The following UVRAG variants were observed in gnomAD, a reference collection of about 807,000 sequenced individuals.
The protein encoded by UVRAG is UV radiation resistance associated.
A neutral mutation model predicts 78.0 loss-of-function variants in UVRAG; 19 were observed. The ratio of observed to expected loss-of-function variants is 0.24; its 90% CI spans 0.17 to 0.36. The LOEUF (loss-of-function observed/expected upper bound fraction) is 0.36. Ranked by LOEUF, UVRAG falls within the 10% of genes least tolerant of loss-of-function variation. The pLI is 1.00. For missense variants in UVRAG, 740 were observed against 853.8 expected (o/e 0.87, Z 1.66); for synonymous variants, 323 against 324.6 (o/e 1.00, Z 0.05).
intron 8 of UVRAG, among the ~76,000 whole-genome samples, chr11:76,001,074 T>C (rs1262953895): frequency 2.0e-5 from 3 of 152,264 alleles, no homozygotes; most frequent in Middle Eastern, 6.8e-3. Flanking sequence ...CATGGAACAT[T>C]CAGTTAGACC....
intron 2 of UVRAG, among the ~76,000 whole-genome samples, chr11:75,859,793 T>C (rs927947972): frequency 2.0e-5 from 3 of 152,218 alleles, no homozygotes; most frequent in Admixed American, 1.3e-4. Context: ...TTCATGTTTG[T>C]CATATTAGAA....
At chr11:75,990,296 A>C (rs1006403576) in intron 8 of UVRAG, among the ~76,000 whole-genome samples, 2 of 152,194 alleles carry the variant, frequency 1.3e-5, no homozygotes, top group Non-Finnish European at 1.5e-5. Flanking sequence ...ACTTAGTGTT[A>C]TCTCTACAAT....
chr11:76,053,147 AAT>A (rs1458938268), intron 12 of UVRAG, among the ~76,000 whole-genome samples: 1 of 151,780 alleles, frequency 6.6e-6, no homozygotes, highest in Non-Finnish European at 1.5e-5. Context: ...CTCTACTAAA[AAT>A]ACAAAAATTA....
chr11:75,822,457 T>C (rs1182609260), intron 1 of UVRAG, among the ~76,000 whole-genome samples: 3 of 152,106 alleles, frequency 2.0e-5, no homozygotes, highest in African/African-American at 7.2e-5. Context: ...TGCCACAATC[T>C]CCTTAGAGTT....
chr11:76,106,993 A>G (rs1951983847), intron 13 of UVRAG, among the ~76,000 whole-genome samples: 1 of 152,186 alleles, frequency 6.6e-6, no homozygotes, highest in Non-Finnish European at 1.5e-5. Flanking sequence ...GCTTTTGACA[A>G]ATTTGCAGTT....
intron 8 of UVRAG, among the ~76,000 whole-genome samples, chr11:75,996,154 G>C (rs775603561): frequency 6.6e-6 from 1 of 151,862 alleles, no homozygotes; most frequent in Non-Finnish European, 1.5e-5. Flanking sequence ...AGGTATAGAT[G>C]TGTAGAAATA....
At chr11:75,917,817 A>G (rs1947890900) in intron 6 of UVRAG, among the ~76,000 whole-genome samples, 1 of 152,136 alleles carries the variant, frequency 6.6e-6, no homozygotes, top group African/African-American at 2.4e-5. Context: ...TTGATGATAA[A>G]CCATATTGAT....
At chr11:75,996,255 A>AAT (rs1231515515) in intron 8 of UVRAG, among the ~76,000 whole-genome samples, 1 of 152,168 alleles carries the variant, frequency 6.6e-6, no homozygotes, top group East Asian at 1.9e-4. Flanking sequence ...CAAAAAAAAA[A>AAT]AATACATTTA....
chr11:75,973,002 T>A (rs1949155045), intron 7 of UVRAG, among the ~76,000 whole-genome samples: 1 of 152,112 alleles, frequency 6.6e-6, no homozygotes, highest in African/African-American at 2.4e-5. Flanking sequence ...GTTTTATTTC[T>A]TCTTTCCCAA....
intron 12 of UVRAG, among the ~76,000 whole-genome samples, chr11:76,059,315 T>C (rs574084875): frequency 6.6e-6 from 1 of 152,318 alleles, no homozygotes; most frequent in Admixed American, 6.5e-5. Context: ...GAGCTGAGAC[T>C]AGAAAAACTA....
chr11:76,100,745 C>T (rs529052354), intron 13 of UVRAG, among the ~76,000 whole-genome samples: 1 of 152,116 alleles, frequency 6.6e-6, no homozygotes, highest in South Asian at 2.1e-4. Context: ...TTTTTCTGTT[C>T]CTCTCCCTCC....
chr11:76,069,629 G>A (rs1483107962), intron 13 of UVRAG, among the ~76,000 whole-genome samples: 2 of 152,082 alleles, frequency 1.3e-5, no homozygotes, highest in African/African-American at 4.8e-5. Flanking sequence ...TTATATTTGT[G>A]GGAGCCTTAT....
chr11:75,877,271 C>G (rs868545576), intron 3 of UVRAG, among the ~76,000 whole-genome samples: 3 of 152,174 alleles, frequency 2.0e-5, no homozygotes, highest in African/African-American at 7.2e-5. Flanking sequence ...ACACGGCAAC[C>G]ATCTGATTTC....
chr11:75,977,465 G>T (rs1949268674), intron 7 of UVRAG, among the ~76,000 whole-genome samples: 1 of 152,196 alleles, frequency 6.6e-6, no homozygotes, highest in African/African-American at 2.4e-5. Context: ...AATGTTGACA[G>T]TGGGGTGTTA....
At chr11:76,132,217 A>C (rs1952524236) in intron 14 of UVRAG, among the ~76,000 whole-genome samples, 1 of 152,164 alleles carries the variant, frequency 6.6e-6, no homozygotes, top group South Asian at 2.1e-4. Context: ...CAACTTAAAC[A>C]CCTCCATGTA....
chr11:76,063,625 A>G (rs899236528), intron 12 of UVRAG, among the ~76,000 whole-genome samples: 15 of 152,338 alleles, frequency 9.8e-5, no homozygotes, highest in Middle Eastern at 3.4e-3. Flanking sequence ...AATATTAGCC[A>G]TTTTAATTGA....
At chr11:75,885,282 T>A (rs1288535644) in intron 4 of UVRAG, among the ~76,000 whole-genome samples, 1 of 152,128 alleles carries the variant, frequency 6.6e-6, no homozygotes, top group Non-Finnish European at 1.5e-5. Flanking sequence ...TGTATCATCC[T>A]AACTTGCGTG....
At position 75,857,491 on chromosome 11, in the gene UVRAG, C is replaced by G. The variant is rs545019080; in HGVS notation, c.236-4255C>G. 4.6e-5 allele frequency among the ~76,000 whole-genome samples: 7 copies of G among 151,340 alleles called. No individual in the cohort carries two copies. In the East Asian group the frequency reaches 9.9e-4, roughly 21 times the overall value. On this transcript the variant is annotated intron_variant, in intron 2 of 14. Transcript: ENST00000356136. ...CCTTCTTGCAGATCTTTCTTTTTCCCCCCCCCTTTTTTTTTTGAGATGGAG... is the reference window on the plus strand; with the variant it reads ...CCTTCTTGCAGATCTTTCTTTTTCCGCCCCCCTTTTTTTTTTGAGATGGAG...
At chr11:75,885,797 G>C (rs1327652521) in intron 4 of UVRAG, among the ~76,000 whole-genome samples, 1 of 152,134 alleles carries the variant, frequency 6.6e-6, no homozygotes, top group Non-Finnish European at 1.5e-5. Flanking sequence ...GATACAGCCA[G>C]TTTTGTTAAG....
Sources: allele counts gnomAD v4.1 joint callset (sites outside exome capture counted in the v4.1 genomes callset), GRCh38; gene constraint gnomAD v4.1.1; transcripts MANE v1.5; gene names NCBI Gene and HGNC (gene_info 2026-07-23, HGNC 2026-07-21).